The following SRGAP1 variants were observed in gnomAD, a reference collection of about 807,000 sequenced individuals.
SRGAP1 encodes the protein SLIT-ROBO Rho GTPase activating protein 1.
Under a neutral mutation model 121.9 loss-of-function variants are expected in SRGAP1, and 43 were observed. That is an observed-to-expected ratio of 0.35 (90% CI 0.28 to 0.46). The LOEUF (loss-of-function observed/expected upper bound fraction) is 0.46, where lower values mean the gene tolerates loss of function less well. SRGAP1 is among the 20% of genes least tolerant of loss of function. The probability of loss-of-function intolerance (pLI) is 1.00; values close to 1 mark genes in which losing one functional copy is unlikely to be tolerated. For missense variants in SRGAP1, 1,102 were observed against 1,350.9 expected, an observed-to-expected ratio of 0.82 and a Z score of 2.89; for synonymous variants, 447 against 485.4, an observed-to-expected ratio of 0.92 and a Z score of 1.04.
At chr12:63,936,969 C>T (rs564422834) in intron 1 of SRGAP1, among the ~76,000 whole-genome samples, 111 of 152,270 alleles carry the variant, frequency 7.3e-4, no homozygotes, top group African/African-American at 2.6e-3. Flanking sequence ...AATGAGAGAG[C>T]GCCATATCAG....
At chr12:64,031,488 A>G (rs772389675) in intron 4 of SRGAP1, among the ~76,000 whole-genome samples, 28 of 152,150 alleles carry the variant, frequency 1.8e-4, no homozygotes, top group Non-Finnish European at 1.3e-4. Flanking sequence ...CCAAGAGGGC[A>G]CATAAACCAA....
chr12:64,026,771 C>T (rs532118707), intron 4 of SRGAP1, among the ~76,000 whole-genome samples: 142 of 151,546 alleles, frequency 9.4e-4, no homozygotes, highest in African/African-American at 3.2e-3. Context: ...AAGGCTGAGT[C>T]GGGAGAATCG....
intron 3 of SRGAP1, among the ~76,000 whole-genome samples, chr12:63,991,696 G>A (rs1380722065): frequency 1.3e-5 from 2 of 152,146 alleles, no homozygotes; most frequent in Non-Finnish European, 2.9e-5. Context: ...GTGCTGAAAA[G>A]GCTACAAAGA....
chr12:64,115,879 A>T lies in SRGAP1; in HGVS notation c.2210A>T (p.His737Leu). Residue 737 changes from histidine (H) to leucine (L), a missense_variant, in exon 18 of 22, where the codon CAC (histidine) becomes CTC (leucine). Coordinates refer to ENST00000355086, the MANE Select transcript of SRGAP1 (RefSeq NM_020762.4). The stretch of plus-strand genomic sequence containing the variant: ...GACCAAGATGCTGGTACAGAGCCCC[A>T]CACAAGTGAAGATGGTATGCTCTCC... ...EVDQDAGTEPHTSEDECEPIE... is the reference protein window; with the variant it reads ...EVDQDAGTEPLTSEDECEPIE... The T allele has an allele frequency of 3.1e-6, 5 of 1,612,768 alleles. No individual in the cohort carries two copies. Among genetic ancestry groups the T allele is most frequent in the Non-Finnish European group, 4.2e-6 (5 of 1,179,282 alleles).
intron 1 of SRGAP1, among the ~76,000 whole-genome samples, chr12:63,932,743 G>A (rs994829213): frequency 6.6e-6 from 1 of 152,300 alleles, no homozygotes; most frequent in East Asian, 1.9e-4. Context: ...GATTGCACTT[G>A]CACTGTGCTC....
chr12:63,943,065 G>C (rs1592966631), intron 1 of SRGAP1, among the ~76,000 whole-genome samples: 1 of 152,170 alleles, frequency 6.6e-6, no homozygotes, highest in Admixed American at 6.5e-5. Flanking sequence ...AGCTCAGTGA[G>C]TTGTACGTCA....
chr12:63,910,436 A>C (rs1409579551), intron 1 of SRGAP1, among the ~76,000 whole-genome samples: 1 of 152,200 alleles, frequency 6.6e-6, no homozygotes, highest in African/African-American at 2.4e-5. Flanking sequence ...TTAGCTGACT[A>C]TCCTTCCAAC....
intron 6 of SRGAP1, among the ~76,000 whole-genome samples, chr12:64,059,871 A>G (rs570884611): frequency 3.0e-4 from 46 of 152,294 alleles, no homozygotes; most frequent in African/African-American, 1.0e-3. Context: ...TGATTGCTGC[A>G]TTTCACAATT....
At chr12:64,084,646 T>C (rs942199212) in intron 10 of SRGAP1, among the ~76,000 whole-genome samples, 1 of 152,232 alleles carries the variant, frequency 6.6e-6, no homozygotes, top group Admixed American at 6.5e-5. Flanking sequence ...GTATCTTTTA[T>C]AGGTTTTTAA....
chr12:64,042,706 T>TCCCCTCTGC (rs2035049182), intron 4 of SRGAP1, 84 bp from the exon 5 acceptor site: 1 of 1,060,670 alleles, frequency 9.4e-7, no homozygotes, highest in African/African-American at 1.6e-5. Flanking sequence ...GGTATGTGTA[T>TCCCCTCTGC]CATATACGTC....
At chr12:64,016,822 G>A (rs760199550) in intron 3 of SRGAP1, 128 bp from the exon 4 acceptor site, 22 of 550,656 alleles carry the variant, frequency 4.0e-5, no homozygotes, top group South Asian at 1.8e-4. Context: ...GGGCCATTCC[G>A]TTAAAGATGT....
At chr12:64,096,084 C>T (rs2036150138) in intron 14 of SRGAP1, among the ~76,000 whole-genome samples, 1 of 152,180 alleles carries the variant, frequency 6.6e-6, no homozygotes, top group Middle Eastern at 3.2e-3. Context: ...TGCCAAGTCT[C>T]ATGCATTGGC....
At chr12:63,993,192 A>G (rs2033602605) in intron 3 of SRGAP1, among the ~76,000 whole-genome samples, 1 of 152,110 alleles carries the variant, frequency 6.6e-6, no homozygotes, top group Non-Finnish European at 1.5e-5. Context: ...TAGATTAGAA[A>G]GTCTTTCCTG....
intron 1 of SRGAP1, among the ~76,000 whole-genome samples, chr12:63,948,184 A>G (rs2032112103): frequency 1.3e-5 from 2 of 152,166 alleles, no homozygotes; most frequent in Admixed American, 6.5e-5. Context: ...AACAGTGGAA[A>G]AGACCTGGGT....
At chr12:64,026,949 A>G (rs2136481008) in intron 4 of SRGAP1, among the ~76,000 whole-genome samples, 1 of 152,218 alleles carries the variant, frequency 6.6e-6, no homozygotes, top group East Asian at 1.9e-4. Flanking sequence ...GTGATTCACT[A>G]ACGTCCCAGA....
intron 14 of SRGAP1, among the ~76,000 whole-genome samples, chr12:64,096,474 T>G (rs1366933985): frequency 1.3e-5 from 2 of 152,196 alleles, no homozygotes; most frequent in African/African-American, 4.8e-5. Context: ...TCTTAAGGAT[T>G]TTATCTCTAG....
chr12:63,898,179 A>G (rs553513972), intron 1 of SRGAP1, among the ~76,000 whole-genome samples: 12 of 152,340 alleles, frequency 7.9e-5, no homozygotes, highest in African/African-American at 2.6e-4. Context: ...GCATGACGCA[A>G]ACTTGCAGGG....
intron 21 of SRGAP1, among the ~76,000 whole-genome samples, chr12:64,138,256 T>C (rs1429160589): frequency 6.6e-6 from 1 of 151,966 alleles, no homozygotes; most frequent in Non-Finnish European, 1.5e-5. Flanking sequence ...TTTAGTGTAA[T>C]GTCCTCAAGG....
intron 1 of SRGAP1, among the ~76,000 whole-genome samples, chr12:63,906,564 CG>C (rs1199684714): frequency 6.6e-6 from 1 of 152,074 alleles, no homozygotes; most frequent in Non-Finnish European, 1.5e-5. Flanking sequence ...CTGCCCGCCT[CG>C]GCCTCCCAAA....
Sources: allele counts gnomAD v4.1 joint callset (sites outside exome capture counted in the v4.1 genomes callset), GRCh38; gene constraint gnomAD v4.1.1; transcripts MANE v1.5; gene names NCBI Gene and HGNC (gene_info 2026-07-23, HGNC 2026-07-21).